WNK1: variants seen among roughly 807,000 people sequenced by gnomAD.
WNK1 encodes WNK lysine deficient protein kinase 1.
A neutral mutation model predicts 222.8 loss-of-function variants in WNK1; 38 were observed. The observed-to-expected ratio is 0.17, with a 90% CI of 0.13 to 0.22. WNK1 has a LOEUF of 0.22. Ranked by LOEUF, WNK1 falls within the 10% of genes least tolerant of loss-of-function variation. WNK1 has a pLI of 1.00. For missense variants in WNK1, 2,348 were observed against 2,918.4 expected (o/e 0.80, Z 4.50); for synonymous variants, 1,090 against 1,092.9 (o/e 1.00, Z 0.05).
intron 1 of WNK1, among the ~76,000 whole-genome samples, chr12:796,695 A>G (rs181190154): frequency 5.9e-5 from 9 of 152,300 alleles, no homozygotes; most frequent in Non-Finnish European, 1.3e-4. Flanking sequence ...CTAAAAAACA[A>G]AACCAGAAAG....
chr12:887,539 T>TA (rs1272219373), intron 20 of WNK1, among the ~76,000 whole-genome samples: 2 of 152,242 alleles, frequency 1.3e-5, no homozygotes, highest in African/African-American at 4.8e-5. Flanking sequence ...AATTTTTTTT[T>TA]TATATCTTAT....
chr12:775,805 A>T (rs558441195), intron 1 of WNK1, among the ~76,000 whole-genome samples: 1 of 152,148 alleles, frequency 6.6e-6, no homozygotes, highest in African/African-American at 2.4e-5. Flanking sequence ...TTCTTGTGTC[A>T]TATATTCTTA....
intron 1 of WNK1, among the ~76,000 whole-genome samples, chr12:797,194 CTTG>C (rs1394437170): frequency 6.6e-6 from 1 of 151,880 alleles, no homozygotes; most frequent in Non-Finnish European, 1.5e-5. Flanking sequence ...TTTTTGTCTC[CTTG>C]TTGTACTTAT....
intron 9 of WNK1, among the ~76,000 whole-genome samples, chr12:873,435 G>C (rs928839722): frequency 6.6e-6 from 1 of 152,160 alleles, no homozygotes; most frequent in African/African-American, 2.4e-5. Flanking sequence ...TTTTGTTTCA[G>C]TGATGTTTTT....
chr12:883,794 A>G lies in WNK1; in HGVS notation c.3684A>G (p.Lys1228=). The G allele has an allele frequency of 6.2e-7, 1 of 1,614,176 alleles. No individual in the cohort carries two copies. Among genetic ancestry groups the G allele is most frequent in the Non-Finnish European group, 8.5e-7 (1 of 1,180,036 alleles). ...SGSQKLEGEF[K]QPIPASSMPQ... ...TGTAGAAATTGGAAGGAGAGTTCAAACAACCAATTCCTGCGTCTTCCATGC... is the reference window on the plus strand; with the variant it reads ...TGTAGAAATTGGAAGGAGAGTTCAAGCAACCAATTCCTGCGTCTTCCATGC... The change falls in exon 17 of 28, where the codon AAA becomes AAG. Residue 1228 remains lysine, a synonymous_variant. Coordinates refer to ENST00000315939, the MANE Select transcript of WNK1 (RefSeq NM_018979.4).
chr12:763,953 T>C (rs779557087), intron 1 of WNK1, among the ~76,000 whole-genome samples: 13 of 147,532 alleles, frequency 8.8e-5, no homozygotes, highest in Non-Finnish European at 1.4e-4. Context: ...ATGTATTCAA[T>C]TGGACATGTT....
In WNK1 at chr12:880,867, A is replaced by G. The variant is rs766374811; in HGVS notation, c.2979A>G (p.Thr993=). 1.9e-6 allele frequency: 3 copies of G among 1,614,004 alleles called. No individual in the cohort carries two copies. The highest frequency in any genetic ancestry group is 2.5e-6 in the Non-Finnish European group (3 of 1,179,988). Reference sequence around the variant, plus strand: ...TGGCTACACCTGGGTACTTTCCCACAGTGGTGCAGCCTTATGTGGAATCAA... The same window carrying G: ...TGGCTACACCTGGGTACTTTCCCACGGTGGTGCAGCCTTATGTGGAATCAA... ...EVLATPGYFP[T]VVQPYVESNL... The change falls in exon 12 of 28, where the codon ACA becomes ACG. Residue 993 remains threonine, a synonymous_variant. Transcript: ENST00000315939.
At chr12:899,651 G>T (rs954835804) in intron 25 of WNK1, among the ~76,000 whole-genome samples, 2 of 152,056 alleles carry the variant, frequency 1.3e-5, no homozygotes, top group African/African-American at 2.4e-5. Context: ...ACTGGGAACC[G>T]GGGAGCAGAG....
chr12:835,642 A>G (rs1449118304), intron 4 of WNK1, among the ~76,000 whole-genome samples: 1 of 152,124 alleles, frequency 6.6e-6, no homozygotes, highest in African/African-American at 2.4e-5. Context: ...TGTTAAAAAA[A>G]AAAAAATGTT....
chr12:897,660 A>C lies in WNK1; in HGVS notation c.6427A>C (p.Asn2143His), dbSNP rs1954866715. 3.1e-6 allele frequency: 5 copies of C among 1,614,106 alleles called. No individual in the cohort carries two copies. The highest frequency in any genetic ancestry group is 4.2e-6 in the Non-Finnish European group (5 of 1,180,032). ...SKSSRSSSLGNKSPQLSGNLS... is the reference protein window; with the variant it reads ...SKSSRSSSLGHKSPQLSGNLS... ...ATCTAGTCGAAGCAGTTCCTTGGGGAATAAAAGCCCCCAGCTTTCAGGTAA... is the reference window on the plus strand; with the variant it reads ...ATCTAGTCGAAGCAGTTCCTTGGGGCATAAAAGCCCCCAGCTTTCAGGTAA... The change falls in exon 25 of 28, where the codon AAT becomes CAT. Residue 2143 changes from asparagine (N) to histidine (H), a missense_variant. Transcript: ENST00000315939.
intron 20 of WNK1, 59 bp from the exon 21 acceptor site, chr12:889,081 A>T: frequency 7.4e-7 from 1 of 1,349,062 alleles, no homozygotes; most frequent in Non-Finnish European, 1.1e-6. Flanking sequence ...TAAATTGGCT[A>T]TATATCGTGA....
At chr12:882,758 TAAC>T (rs1349837712) in intron 14 of WNK1, among the ~76,000 whole-genome samples, 182 bp from the exon 15 acceptor site, 1 of 152,240 alleles carries the variant, frequency 6.6e-6, no homozygotes, top group African/African-American at 2.4e-5. Flanking sequence ...GCTCAAAGGC[TAAC>T]GTCTTCTCAA....
chr12:759,150 T>A lies in WNK1; in HGVS notation c.759+4826T>A, dbSNP rs185179455. On this transcript the variant is annotated intron_variant, in intron 1 of 27. Transcript: ENST00000315939. Reference sequence around the variant, plus strand: ...TTTGGGTTTTCTGGTAGTTTTTACATTTTTTTAGATAAAGCTGTAAAAGCA... The same window carrying A: ...TTTGGGTTTTCTGGTAGTTTTTACAATTTTTTAGATAAAGCTGTAAAAGCA... Among the ~76,000 whole-genome samples the A allele has an allele frequency of 2.1e-3, 309 of 147,266 alleles. 31 individuals are homozygous for A. The highest frequency in any genetic ancestry group is 3.2e-3 in the Non-Finnish European group (210 of 65,928).
At chr12:887,109 T>G (rs1031096530) in intron 19 of WNK1, 112 bp from the exon 20 acceptor site, 6 of 975,348 alleles carry the variant, frequency 6.2e-6, no homozygotes, top group South Asian at 1.3e-5. Context: ...ATGTCTTAAC[T>G]ATATATATTT....
intron 2 of WNK1, among the ~76,000 whole-genome samples, chr12:820,554 C>T (rs1323050590): frequency 6.8e-6 from 1 of 146,606 alleles, no homozygotes; most frequent in East Asian, 2.1e-4. Flanking sequence ...TAGCTCACTA[C>T]AGACTTGAAC....
intron 1 of WNK1, among the ~76,000 whole-genome samples, chr12:769,596 C>T (rs537475791): frequency 1.3e-5 from 2 of 152,190 alleles, no homozygotes; most frequent in African/African-American, 4.8e-5. Context: ...TATTATTTCC[C>T]CACCCCAGTC....
At chr12:785,618 G>T (rs1029229649) in intron 1 of WNK1, among the ~76,000 whole-genome samples, 1 of 151,932 alleles carries the variant, frequency 6.6e-6, no homozygotes, top group Non-Finnish European at 1.5e-5. Context: ...AGGGTGATCT[G>T]GATCTCCTGA....
At chr12:879,459 T>TTTTTTTTTC in intron 10 of WNK1, 114 bp from the exon 11 acceptor site, 2 of 597,254 alleles carry the variant, frequency 3.3e-6, no homozygotes, top group Non-Finnish European at 5.1e-6. Context: ...TTTTTTTTTG[T>TTTTTTTTTC]TTGTTTTTTC....
chr12:869,510 A>T (rs192132603), intron 8 of WNK1, among the ~76,000 whole-genome samples: 28 of 152,118 alleles, frequency 1.8e-4, no homozygotes, highest in Admixed American at 1.3e-3. Context: ...AATAGGATAA[A>T]TTTTTTTTCT....
Sources: gnomAD v4.1 joint callset for allele counts (sites outside exome capture counted in the v4.1 genomes callset) on GRCh38, gnomAD v4.1.1 for gene constraint, MANE v1.5 for transcripts, NCBI Gene and HGNC (gene_info 2026-07-23, HGNC 2026-07-21) for gene names.